Variants in PHTF1 observed in about 807,000 individuals in gnomAD.
PHTF1 encodes the protein protein PHTF1.
PHTF1 carries 88 observed loss-of-function variants against 102.4 expected under a neutral mutation model. The observed-to-expected ratio is 0.86, with a 90% CI of 0.72 to 1.03. The LOEUF (loss-of-function observed/expected upper bound fraction) is 1.03. Ranked by LOEUF, PHTF1 falls within the 50% of genes least tolerant of loss-of-function variation. The pLI is 0.00. For missense variants in PHTF1, 814 were observed against 909.5 expected (o/e 0.89, Z 1.35); for synonymous variants, 289 against 305.2 (o/e 0.95, Z 0.55).
Position 113,711,855 on chromosome 1 carries a change from C to G in PHTF1, c.958-20G>C. The G allele has an allele frequency of 6.2e-7, 1 of 1,609,090 alleles. No homozygotes were observed. Among genetic ancestry groups the G allele is most frequent in the Non-Finnish European group, 8.5e-7 (1 of 1,175,574 alleles). ...CTTTACCTGCCAAAAATCAAACCAACAAGCAATAGGAAAATATGTTAAATG... is the reference window on the plus strand; with the variant it reads ...CTTTACCTGCCAAAAATCAAACCAAGAAGCAATAGGAAAATATGTTAAATG... On this transcript the variant is annotated intron_variant, in intron 9 of 18. Transcript: ENST00000369604.
At chr1:113,720,799 G>A (rs1272367883) in intron 7 of PHTF1, among the ~76,000 whole-genome samples, 2 of 152,166 alleles carry the variant, frequency 1.3e-5, no homozygotes, top group Admixed American at 1.3e-4. Flanking sequence ...CTTCCACACT[G>A]CCCTAGCAAA....
At chr1:113,746,888 TCTTTA>T in intron 3 of PHTF1, 2 of 818,940 alleles carry the variant, frequency 2.4e-6, no homozygotes, top group Non-Finnish European at 2.9e-6. Flanking sequence ...CTATTTCTTC[TCTTTA>T]CTTCTAAAAC....
intron 3 of PHTF1, among the ~76,000 whole-genome samples, chr1:113,739,748 C>G (rs78089789): frequency 0.024 from 3,665 of 152,238 alleles, 156 homozygotes; most frequent in African/African-American, 0.083. Flanking sequence ...CTTATACTTC[C>G]CCACCTCTAA....
intron 8 of PHTF1, among the ~76,000 whole-genome samples, chr1:113,713,057 C>A (rs1275650291): frequency 6.6e-6 from 1 of 152,172 alleles, no homozygotes; most frequent in Admixed American, 6.5e-5. Flanking sequence ...TCCCAAAGTG[C>A]TAGGATTACA....
intron 13 of PHTF1, 130 bp from the exon 14 acceptor site, chr1:113,704,927 T>C: frequency 1.5e-6 from 1 of 680,214 alleles, no homozygotes; most frequent in Non-Finnish European, 2.4e-6. Context: ...TTCAGTAAGA[T>C]GGGCAGTGAA....
At chr1:113,738,391 A>G in intron 4 of PHTF1, 123 bp from the exon 5 acceptor site, 1 of 664,434 alleles carries the variant, frequency 1.5e-6, no homozygotes, top group Non-Finnish European at 2.5e-6. Flanking sequence ...CAGTTAAAAA[A>G]AAAAACCCTC....
intron 10 of PHTF1, among the ~76,000 whole-genome samples, chr1:113,710,791 GAT>G (rs370631673): frequency 1.4e-4 from 15 of 104,778 alleles, no homozygotes; most frequent in African/African-American, 2.1e-4. Flanking sequence ...ATCACACCCG[GAT>G]ATATATATAT....
In PHTF1 at chr1:113,712,089, C is replaced by T; in HGVS notation, c.808G>A (p.Gly270Arg). The change falls in exon 9 of 19, where the codon GGG (glycine) becomes AGG (arginine). Residue 270 changes from glycine (G) to arginine (R), a missense_variant. Coordinates refer to ENST00000369604, the MANE Select transcript of PHTF1 (RefSeq NM_001323043.2). The part of the protein sequence containing the change: ...RREAFRRLGN[G>R]VSDDLSSEED... Reference sequence around the variant, plus strand: ...TCACTTGACAGGTCATCAGACACCCCATTACCCAAACGCCTAAAAGCCTCC... The same window carrying T: ...TCACTTGACAGGTCATCAGACACCCTATTACCCAAACGCCTAAAAGCCTCC... 1 of 1,614,062 alleles carries T rather than the reference C, an allele frequency of 6.2e-7. No homozygotes were observed. Among genetic ancestry groups the T allele is most frequent in the Non-Finnish European group, 8.5e-7 (1 of 1,179,976 alleles).
chr1:113,730,890 T>C (rs779874777), intron 5 of PHTF1, among the ~76,000 whole-genome samples: 4 of 152,250 alleles, frequency 2.6e-5, no homozygotes, highest in Non-Finnish European at 2.9e-5. Flanking sequence ...GACGATGTTA[T>C]GCTAAGTGAA....
chr1:113,735,403 A>G (rs1445022494), intron 5 of PHTF1, among the ~76,000 whole-genome samples: 2 of 142,346 alleles, frequency 1.4e-5, no homozygotes, highest in Non-Finnish European at 3.0e-5. Flanking sequence ...AAAGGCAGCT[A>G]TACAAAGATG....
intron 17 of PHTF1, among the ~76,000 whole-genome samples, chr1:113,698,618 TATACAC>T (rs1326897785): frequency 0.062 from 7,200 of 115,584 alleles, 487 homozygotes; most frequent in African/African-American, 0.18. Flanking sequence ...TATATATATA[TATACAC>T]ACACACACAC....
intron 13 of PHTF1, 34 bp from the exon 14 acceptor site, chr1:113,704,831 G>A: frequency 7.1e-7 from 1 of 1,412,514 alleles, no homozygotes; most frequent in Non-Finnish European, 9.8e-7. Context: ...ACAGTGAAAT[G>A]TATGTATGTG....
In PHTF1 at chr1:113,754,893, T is replaced by A. The variant is rs768971789; in HGVS notation, c.102+2806A>T. 2.4e-4 allele frequency among the ~76,000 whole-genome samples: 36 copies of A among 152,110 alleles called. 1 individual carries two copies. The highest frequency in any genetic ancestry group is 3.7e-4 in the Non-Finnish European group (25 of 67,996). On this transcript the variant is annotated intron_variant, in intron 3 of 18. Coordinates refer to ENST00000369604, the MANE Select transcript of PHTF1 (RefSeq NM_001323043.2). ...TCTATCTATGTACCTTATTCTCCAATCATATTGGGCTACTTACTTGCTCTT... is the reference window on the plus strand; with the variant it reads ...TCTATCTATGTACCTTATTCTCCAAACATATTGGGCTACTTACTTGCTCTT...
At chr1:113,759,513 G>A (rs554551181), upstream of PHTF1, 1 of 152,316 alleles carries the variant, frequency 6.6e-6, no homozygotes, top group Non-Finnish European at 1.5e-5. Flanking sequence ...CCGCTCAGCC[G>A]ACCACCGGGC....
In PHTF1 at chr1:113,750,601, G is replaced by A. The variant is rs549073552; in HGVS notation, c.102+7098C>T. ...GGGCCAGGCGTGGTGGCTCACGCCT[G>A]TAATCCCAGCACTTTGGGAGGCCAA... is the stretch of plus-strand genomic sequence containing the variant. On this transcript the variant is annotated intron_variant, in intron 3 of 18. Coordinates refer to ENST00000369604, the MANE Select transcript of PHTF1 (RefSeq NM_001323043.2). 2.0e-5 allele frequency among the ~76,000 whole-genome samples: 3 copies of A among 152,204 alleles called. No individual in the cohort carries two copies. In the East Asian group the frequency reaches 5.8e-4, roughly 29 times the overall value.
intron 3 of PHTF1, among the ~76,000 whole-genome samples, chr1:113,747,290 G>A (rs1557969201): frequency 6.6e-6 from 1 of 152,084 alleles, no homozygotes; most frequent in Non-Finnish European, 1.5e-5. Context: ...TTTTTTGCTT[G>A]TCCTAGAACT....
chr1:113,711,879 T>A, intron 9 of PHTF1, 44 bp from the exon 10 acceptor site: 1 of 1,604,852 alleles, frequency 6.2e-7, no homozygotes, highest in South Asian at 1.1e-5. Flanking sequence ...ATATGTTAAA[T>A]GCTTTGTTAC....
intron 5 of PHTF1, among the ~76,000 whole-genome samples, chr1:113,736,666 G>C (rs1655548645): frequency 6.6e-6 from 1 of 151,934 alleles, no homozygotes; most frequent in Admixed American, 6.6e-5. Context: ...AATCACTTAA[G>C]CCTAGGAGGC....
chr1:113,758,792 T>A, intron 1 of PHTF1, 59 bp from the exon 2 acceptor site: 1 of 1,538,930 alleles, frequency 6.5e-7, no homozygotes, highest in Non-Finnish European at 8.7e-7. Flanking sequence ...TCTCCCAGTT[T>A]GGGTAGGACG....
Sources: allele counts gnomAD v4.1 joint callset (sites outside exome capture counted in the v4.1 genomes callset), GRCh38; gene constraint gnomAD v4.1.1; transcripts MANE v1.5; gene names NCBI Gene and HGNC (gene_info 2026-07-23, HGNC 2026-07-21).